The following LNX1 variants were observed in gnomAD, a reference collection of about 807,000 sequenced individuals.
LNX1 encodes the protein E3 ubiquitin-protein ligase LNX.
Under a neutral mutation model 68.4 loss-of-function variants are expected in LNX1, and 54 were observed. The ratio of observed to expected loss-of-function variants is 0.79; its 90% confidence interval spans 0.63 to 0.99. The LOEUF (loss-of-function observed/expected upper bound fraction) is 0.99. LNX1 is among the 50% of genes least tolerant of loss of function. LNX1 has a pLI of 0.00. For synonymous variants in LNX1, 336 were observed against 350.0 expected (o/e 0.96, Z 0.45); for missense variants, 906 against 926.4 (o/e 0.98, Z 0.29).
intron 1 of LNX1, among the ~76,000 whole-genome samples, chr4:53,623,655 A>C (rs1376566424): frequency 6.6e-6 from 1 of 152,156 alleles, no homozygotes; most frequent in Non-Finnish European, 1.5e-5. Flanking sequence ...TCAAATTCTC[A>C]ATTTGAAGTT....
At chr4:53,602,212 T>C (rs1037361226) in intron 2 of LNX1, among the ~76,000 whole-genome samples, 4 of 152,134 alleles carry the variant, frequency 2.6e-5, no homozygotes, top group African/African-American at 9.7e-5. Flanking sequence ...GACCTTGACA[T>C]CACCATCTAT....
At chr4:53,561,582 G>A (rs1467014589) in intron 2 of LNX1, among the ~76,000 whole-genome samples, 2 of 152,122 alleles carry the variant, frequency 1.3e-5, no homozygotes, top group Non-Finnish European at 2.9e-5. Flanking sequence ...AGCTAGCTGT[G>A]TTGTCCTGAA....
At chr4:53,569,499 TA>T (rs1360067571) in intron 2 of LNX1, among the ~76,000 whole-genome samples, 5 of 123,634 alleles carry the variant, frequency 4.0e-5, no homozygotes, top group African/African-American at 1.6e-4. Flanking sequence ...TTACACCTTA[TA>T]CAAAAATCAA....
intron 9 of LNX1, among the ~76,000 whole-genome samples, chr4:53,468,073 G>GTT (rs1722838139): frequency 6.6e-6 from 1 of 152,170 alleles, no homozygotes; most frequent in South Asian, 2.1e-4. Flanking sequence ...AGGAAAAAAT[G>GTT]TTCAGGGCAG....
chr4:53,521,528 A>T (rs1727219270), intron 2 of LNX1, among the ~76,000 whole-genome samples: 1 of 152,174 alleles, frequency 6.6e-6, no homozygotes. Flanking sequence ...TCATGCAAAG[A>T]TAGCTGGTTC....
At chr4:53,468,009 C>T (rs1228531826) in intron 9 of LNX1, among the ~76,000 whole-genome samples, 1 of 152,108 alleles carries the variant, frequency 6.6e-6, no homozygotes, top group Admixed American at 6.5e-5. Flanking sequence ...AGATAGTCCT[C>T]AAGAAGAGCA....
rs139544141 is a variant in LNX1, at chr4:53,612,574, C to T, written c.-215+3943G>A. On this transcript the variant is annotated intron_variant, in intron 2 of 3. Coordinates refer to the LNX1 transcript ENST00000504299. ...TAAATTAACGCTTGTAATCCCAGCA[C>T]TTTGGGAGGCTGAGGCAGGAGAATT... Among the ~76,000 whole-genome samples, 958 of 152,216 alleles carry T rather than the reference C, an allele frequency of 6.3e-3. 6 individuals carry two copies. The highest frequency in any genetic ancestry group is 0.022 in the African/African-American group (910 of 41,530).
At chr4:53,550,331 AT>A (rs1188198612) in intron 2 of LNX1, among the ~76,000 whole-genome samples, 2 of 152,206 alleles carry the variant, frequency 1.3e-5, no homozygotes, top group Admixed American at 6.5e-5. Flanking sequence ...TTGGAATATG[AT>A]TTCTCCAACA....
chr4:53,577,205 A>G (rs1370023441), intron 1 of LNX1, among the ~76,000 whole-genome samples: 1 of 152,228 alleles, frequency 6.6e-6, no homozygotes, highest in African/African-American at 2.4e-5. Flanking sequence ...TGAAAATGGA[A>G]ATGGGCCATG....
chr4:53,519,084 G>A (rs1348250651), intron 2 of LNX1, among the ~76,000 whole-genome samples: 1 of 152,298 alleles, frequency 6.6e-6, no homozygotes. Flanking sequence ...GGGGGAGGTG[G>A]TTGTGGTGGT....
intron 9 of LNX1, among the ~76,000 whole-genome samples, chr4:53,472,244 A>G (rs1283953467): frequency 6.6e-6 from 1 of 152,132 alleles, no homozygotes; most frequent in Non-Finnish European, 1.5e-5. Context: ...AGGACAAAAA[A>G]CCAAATACTG....
chr4:53,520,104 T>C (rs1212776226), intron 2 of LNX1, among the ~76,000 whole-genome samples: 2 of 152,176 alleles, frequency 1.3e-5, no homozygotes, highest in Non-Finnish European at 2.9e-5. Context: ...AGCTTTGTGG[T>C]TTCAGGTACC....
intron 8 of LNX1, among the ~76,000 whole-genome samples, chr4:53,477,527 G>A (rs1402435823): frequency 3.3e-5 from 5 of 152,116 alleles, no homozygotes; most frequent in African/African-American, 9.7e-5. Context: ...TTGGTTAAGC[G>A]CCTACTATGT....
chr4:53,467,105 A>G (rs984850088), intron 9 of LNX1, among the ~76,000 whole-genome samples: 8 of 152,088 alleles, frequency 5.3e-5, no homozygotes, highest in African/African-American at 1.7e-4. Flanking sequence ...GTAGGGGCGG[A>G]CTGACACCTC....
At chr4:53,547,110 A>C (rs1729166563) in intron 2 of LNX1, among the ~76,000 whole-genome samples, 2 of 152,204 alleles carry the variant, frequency 1.3e-5, no homozygotes, top group African/African-American at 2.4e-5. Context: ...AAATTATATC[A>C]AATCGAAGAC....
Position 53,481,704 on chromosome 4 carries a change from G to A in LNX1, c.1485+16C>T, listed in dbSNP as rs1435341329. On this transcript the variant is annotated intron_variant, in intron 7 of 10. Transcript: ENST00000263925. ...AGCCCCTTGCAGGAGCAGGCGACCT[G>A]CCCTAGAGGCCTCACCTTGGGAGTG... The A allele has an allele frequency of 1.9e-6, 3 of 1,611,808 alleles. No individual in the cohort carries two copies. The highest frequency in any genetic ancestry group is 2.5e-6 in the Non-Finnish European group (3 of 1,178,758).
chr4:53,590,431 T>C (rs1732438659), intron 1 of LNX1, among the ~76,000 whole-genome samples: 1 of 152,204 alleles, frequency 6.6e-6, no homozygotes, highest in Admixed American at 6.5e-5. Flanking sequence ...TTCCAGCTCA[T>C]CCCAGCAGGC....
intron 2 of LNX1, among the ~76,000 whole-genome samples, chr4:53,540,781 A>T (rs1728705620): frequency 6.6e-6 from 1 of 152,184 alleles, no homozygotes; most frequent in South Asian, 2.1e-4. Context: ...AAGTATCCTC[A>T]CTTATTGGGG....
rs77818307 is a variant in LNX1, at chr4:53,499,811, C to T, written c.776-968G>A. On this transcript the variant is annotated intron_variant, in intron 4 of 10. Coordinates refer to ENST00000263925, the MANE Select transcript of LNX1 (RefSeq NM_001126328.3). Reference sequence around the variant, plus strand: ...ATTCATGATCAAGAAGAGGCCAAGGCCTAGTTGGTGGCCTTGAGCAGTTCA... The same window carrying T: ...ATTCATGATCAAGAAGAGGCCAAGGTCTAGTTGGTGGCCTTGAGCAGTTCA... Among the ~76,000 whole-genome samples the T allele has an allele frequency of 9.7e-4, 148 of 152,282 alleles. 1 individual carries two copies. Among genetic ancestry groups the T allele is most frequent in the African/African-American group, 3.5e-3 (145 of 41,564 alleles).
Sources: gnomAD v4.1 joint callset for allele counts (sites outside exome capture counted in the v4.1 genomes callset) on GRCh38, gnomAD v4.1.1 for gene constraint, MANE v1.5 for transcripts, NCBI Gene and HGNC (gene_info 2026-07-23, HGNC 2026-07-21) for gene names.